Variants in SLIT3 observed in about 807,000 individuals in gnomAD.
SLIT3 encodes slit guidance ligand 3, also known as slit homolog 3 protein.
A neutral mutation model predicts 184.0 loss-of-function variants in SLIT3; 68 were observed. The ratio of observed to expected loss-of-function variants is 0.37; its 90% confidence interval spans 0.30 to 0.45. SLIT3 has a LOEUF of 0.45. SLIT3 is among the 20% of genes least tolerant of loss of function. SLIT3 has a pLI of 1.00. For missense variants in SLIT3, 1,707 were observed against 2,026.0 expected, an observed-to-expected ratio of 0.84 and a Z score of 3.02; for synonymous variants, 831 against 828.6, an observed-to-expected ratio of 1.00 and a Z score of -0.05.
intron 4 of SLIT3, among the ~76,000 whole-genome samples, chr5:169,052,179 C>T (rs999915271): frequency 2.0e-5 from 3 of 152,138 alleles, no homozygotes; most frequent in Non-Finnish European, 4.4e-5. Flanking sequence ...ACAGAGAGGG[C>T]TCCTTCACCC....
At chr5:168,849,945 G>C (rs2113725125) in intron 5 of SLIT3, among the ~76,000 whole-genome samples, 1 of 152,124 alleles carries the variant, frequency 6.6e-6, no homozygotes, top group African/African-American at 2.4e-5. Context: ...TTTAAGCAGA[G>C]AATAGGAAAT....
intron 5 of SLIT3, among the ~76,000 whole-genome samples, chr5:168,872,640 C>CCTTT: frequency 8.9e-6 from 1 of 112,444 alleles, no homozygotes; most frequent in East Asian, 2.7e-4. Flanking sequence ...TCTTCTTCTT[C>CCTTT]TTTTTTTTTT....
intron 4 of SLIT3, among the ~76,000 whole-genome samples, chr5:169,133,078 T>C (rs956533778): frequency 2.6e-5 from 4 of 152,226 alleles, no homozygotes; most frequent in Non-Finnish European, 5.9e-5. Flanking sequence ...GCATTAGCTG[T>C]GATGATGGCT....
intron 1 of SLIT3, among the ~76,000 whole-genome samples, chr5:169,293,074 G>A (rs931601986): frequency 3.9e-5 from 6 of 152,198 alleles, no homozygotes; most frequent in Non-Finnish European, 5.9e-5. Context: ...GATGGAGTAC[G>A]AGGCCTATGC....
At chr5:168,789,405 C>T (rs915913575) in intron 11 of SLIT3, among the ~76,000 whole-genome samples, 155 bp downstream of exon 11, 9 of 152,086 alleles carry the variant, frequency 5.9e-5, no homozygotes, top group Non-Finnish European at 1.3e-4. Context: ...ATCAATTTCC[C>T]CTGAAGAAAT....
At chr5:168,731,813 G>C (rs369632947) in intron 20 of SLIT3, among the ~76,000 whole-genome samples, 3 of 151,970 alleles carry the variant, frequency 2.0e-5, no homozygotes, top group South Asian at 2.1e-4. Flanking sequence ...AATAATAAAG[G>C]CTATATACAA....
chr5:168,899,485 G>A (rs1760792850), intron 4 of SLIT3, among the ~76,000 whole-genome samples: 1 of 152,222 alleles, frequency 6.6e-6, no homozygotes, highest in South Asian at 2.1e-4. Context: ...CTGCACTCCA[G>A]CCTGGGTGAC....
intron 5 of SLIT3, among the ~76,000 whole-genome samples, chr5:168,848,597 A>G (rs959423507): frequency 6.6e-6 from 1 of 152,204 alleles, no homozygotes; most frequent in Non-Finnish European, 1.5e-5. Flanking sequence ...TAATTTCCCC[A>G]GGAAGCTCGA....
intron 4 of SLIT3, among the ~76,000 whole-genome samples, chr5:169,185,961 T>C (rs1763319650): frequency 6.6e-6 from 1 of 152,198 alleles, no homozygotes; most frequent in Non-Finnish European, 1.5e-5. Flanking sequence ...TAGGCCTCTG[T>C]TTCTGTATCT....
chr5:169,073,911 C>T (rs938568106), intron 4 of SLIT3, among the ~76,000 whole-genome samples: 1 of 152,158 alleles, frequency 6.6e-6, no homozygotes, highest in African/African-American at 2.4e-5. Context: ...TGCAATGCAG[C>T]TGGACAATAC....
At chr5:168,762,494 G>T in intron 15 of SLIT3, 45 bp downstream of exon 15, 1 of 1,591,862 alleles carries the variant, frequency 6.3e-7, no homozygotes, top group Non-Finnish European at 8.6e-7. Context: ...CCGGGTGACT[G>T]GCGTGTGGGG....
chr5:169,132,120 C>A (rs1012800454), intron 4 of SLIT3, among the ~76,000 whole-genome samples: 1 of 152,104 alleles, frequency 6.6e-6, no homozygotes, highest in Non-Finnish European at 1.5e-5. Context: ...TGAAGTACCC[C>A]ACATGTCCAG....
chr5:168,789,515 G>GC (rs747160130), intron 11 of SLIT3, 45 bp downstream of exon 11: 19 of 1,477,802 alleles, frequency 1.3e-5, no homozygotes, highest in Admixed American at 5.3e-5. Flanking sequence ...TCCCTCCAGC[G>GC]CCCCCCCTCC....
At chr5:168,743,103 TTC>T (rs1273769224) in intron 20 of SLIT3, among the ~76,000 whole-genome samples, 1 of 152,176 alleles carries the variant, frequency 6.6e-6, no homozygotes, top group African/African-American at 2.4e-5. Flanking sequence ...CATGTTCAGG[TTC>T]TGTCCCCAAA....
chr5:168,705,807 C>T (rs538375456), intron 26 of SLIT3, among the ~76,000 whole-genome samples: 1 of 152,280 alleles, frequency 6.6e-6, no homozygotes, highest in African/African-American at 2.4e-5. Context: ...TCAAACCCAG[C>T]TCTACTACTT....
chr5:169,045,392 T>C (rs1168739127), intron 4 of SLIT3, among the ~76,000 whole-genome samples: 2 of 150,370 alleles, frequency 1.3e-5, no homozygotes, highest in Non-Finnish European at 2.9e-5. Flanking sequence ...CTACTATTGT[T>C]ACTTCAAAGA....
chr5:168,755,448 T>TCTTTCTTTCTTTCTTTTCTTTTC (rs1419173588), intron 16 of SLIT3, among the ~76,000 whole-genome samples: 1 of 102,566 alleles, frequency 9.7e-6, no homozygotes, highest in Non-Finnish European at 2.2e-5. Context: ...TTTCTTTCTT[T>TCTTTCTTTCTTTCTTTTCTTTTC]TTGAGACAGA....
At chr5:169,258,645 G>T (rs1213558274) in intron 1 of SLIT3, among the ~76,000 whole-genome samples, 1 of 152,166 alleles carries the variant, frequency 6.6e-6, no homozygotes, top group Non-Finnish European at 1.5e-5. Flanking sequence ...GAGCTTTGTG[G>T]TATTTTCACA....
intron 11 of SLIT3, among the ~76,000 whole-genome samples, chr5:168,787,173 G>C (rs1179438385): frequency 6.6e-6 from 1 of 152,190 alleles, no homozygotes; most frequent in Non-Finnish European, 1.5e-5. Context: ...GATAGCTCAG[G>C]CACACATTTG....
Sources: allele counts gnomAD v4.1 joint callset (sites outside exome capture counted in the v4.1 genomes callset), GRCh38; gene constraint gnomAD v4.1.1; transcripts MANE v1.5; gene names NCBI Gene and HGNC (gene_info 2026-07-23, HGNC 2026-07-21).